Variants in JMJD1C observed in about 807,000 individuals in gnomAD.
JMJD1C encodes the protein jumonji domain containing 1C.
A neutral mutation model predicts 245.3 loss-of-function variants in JMJD1C; 31 were observed. That is an observed-to-expected ratio of 0.13 (90% CI 0.09 to 0.17). The LOEUF (loss-of-function observed/expected upper bound fraction) is 0.17. JMJD1C is among the 10% of genes least tolerant of loss of function. The pLI is 1.00. For synonymous variants in JMJD1C, 1,057 were observed against 1,017.4 expected (o/e 1.04, Z -0.74); for missense variants, 2,691 against 3,000.2 (o/e 0.90, Z 2.41).
intron 1 of JMJD1C, among the ~76,000 whole-genome samples, chr10:63,505,895 C>T (rs567982126): frequency 3.6e-4 from 53 of 146,736 alleles, no homozygotes; most frequent in African/African-American, 1.3e-3. Context: ...GATTCAGAAT[C>T]GAAGCCTGAC....
chr10:63,283,904 A>G (rs1857681139), intron 2 of JMJD1C, among the ~76,000 whole-genome samples: 1 of 152,226 alleles, frequency 6.6e-6, no homozygotes, highest in African/African-American at 2.4e-5. Flanking sequence ...GACAATAAGA[A>G]AAGCAAAATG....
At chr10:63,215,477 TA>T in intron 6 of JMJD1C, 22 bp from the exon 7 acceptor site, 1 of 1,613,274 alleles carries the variant, frequency 6.2e-7, no homozygotes, top group Non-Finnish European at 8.5e-7. Context: ...CAATTAACAG[TA>T]ATTGTTTACT....
At chr10:63,341,600 T>C (rs187905543) in intron 2 of JMJD1C, among the ~76,000 whole-genome samples, 119 of 152,356 alleles carry the variant, frequency 7.8e-4, no homozygotes, top group East Asian at 1.3e-3. Flanking sequence ...TTCACAAACA[T>C]TCTCTACCAG....
chr10:63,415,403 C>T (rs1949743290), intron 1 of JMJD1C, among the ~76,000 whole-genome samples: 1 of 152,118 alleles, frequency 6.6e-6, no homozygotes, highest in Admixed American at 6.5e-5. Context: ...ATGCTTCCTT[C>T]AAAGCTTTTA....
intron 3 of JMJD1C, among the ~76,000 whole-genome samples, chr10:63,224,845 C>T (rs1358393637): frequency 1.3e-5 from 2 of 151,848 alleles, no homozygotes; most frequent in South Asian, 2.1e-4. Context: ...GGGTGGATCA[C>T]GAGGTCAGGA....
chr10:63,267,814 T>G (rs912933668), intron 2 of JMJD1C, among the ~76,000 whole-genome samples: 2 of 152,132 alleles, frequency 1.3e-5, no homozygotes, highest in Non-Finnish European at 2.9e-5. Context: ...AAAATAAATA[T>G]AGTTGAGAGC....
At chr10:63,223,861 C>G (rs932384688) in intron 3 of JMJD1C, among the ~76,000 whole-genome samples, 1 of 152,138 alleles carries the variant, frequency 6.6e-6, no homozygotes, top group East Asian at 1.9e-4. Context: ...TCAAGAGATT[C>G]TCCTGCCTCA....
intron 10 of JMJD1C, among the ~76,000 whole-genome samples, chr10:63,205,791 T>C (rs928675708): frequency 2.0e-5 from 3 of 152,212 alleles, no homozygotes; most frequent in Non-Finnish European, 4.4e-5. Context: ...CTTACGATCT[T>C]ATATGAGACC....
rs373934433 is a variant in JMJD1C at position 63,185,576 on chromosome 10, T to C, written c.6817A>G (p.Met2273Val). Reference sequence around the variant, plus strand: ...AAAGTTTCAAACCTTGCTGGCATCATAGTCTTGAAGTCTTCTCCTGAAGGC... The same window carrying C: ...AAAGTTTCAAACCTTGCTGGCATCACAGTCTTGAAGTCTTCTCCTGAAGGC... The part of the protein sequence containing the change: ...DWPSGEDFKT[M>V]MPARYEDLLK... Residue 2273 changes from methionine to valine, a missense_variant, in exon 20 of 26, where the codon ATG becomes GTG. Transcript: ENST00000399262. 29 of 1,592,822 alleles carry C rather than the reference T, an allele frequency of 1.8e-5. No homozygotes were observed. The highest frequency in any genetic ancestry group is 1.7e-4 in the Middle Eastern group (1 of 6,060).
intron 2 of JMJD1C, among the ~76,000 whole-genome samples, chr10:63,297,854 G>A (rs1286258126): frequency 4.6e-5 from 7 of 152,228 alleles, no homozygotes; most frequent in Admixed American, 4.6e-4. Context: ...CAGGTGACGA[G>A]AAAGAAAGAA....
intron 1 of JMJD1C, among the ~76,000 whole-genome samples, chr10:63,497,401 C>G (rs1954397330): frequency 6.6e-6 from 1 of 152,082 alleles, no homozygotes; most frequent in Non-Finnish European, 1.5e-5. Flanking sequence ...TCACAAAAGA[C>G]CACATATTAT....
At chr10:63,292,440 G>A (rs4747186) in intron 2 of JMJD1C, among the ~76,000 whole-genome samples, 3,284 of 150,074 alleles carry the variant, frequency 0.022, 120 homozygotes, top group African/African-American at 0.075. Flanking sequence ...GCGAAACCCC[G>A]TCTCTAGTAA....
chr10:63,300,263 G>A (rs1181496016), intron 2 of JMJD1C, among the ~76,000 whole-genome samples: 1 of 152,166 alleles, frequency 6.6e-6, no homozygotes, highest in Non-Finnish European at 1.5e-5. Flanking sequence ...GCTGGGTTCA[G>A]AGTGACAAAC....
chr10:63,236,770 GTAAAAT>G (rs1475808261), intron 3 of JMJD1C, among the ~76,000 whole-genome samples: 1 of 152,110 alleles, frequency 6.6e-6, no homozygotes, highest in Non-Finnish European at 1.5e-5. Flanking sequence ...CAAAAAAGAA[GTAAAAT>G]TATATACTTG....
chr10:63,519,921 G>A (rs1955154738), intron 1 of JMJD1C, among the ~76,000 whole-genome samples: 1 of 152,120 alleles, frequency 6.6e-6, no homozygotes, highest in South Asian at 2.1e-4. Flanking sequence ...GAACAAGAGA[G>A]TTCGCCAAAA....
chr10:63,266,530 C>T (rs762907082), intron 2 of JMJD1C, among the ~76,000 whole-genome samples: 3 of 152,212 alleles, frequency 2.0e-5, no homozygotes, highest in East Asian at 1.9e-4. Context: ...CAGGGATATT[C>T]GGCTGATCCC....
intron 2 of JMJD1C, among the ~76,000 whole-genome samples, chr10:63,355,291 A>G (rs888463787): frequency 2.0e-5 from 3 of 152,230 alleles, no homozygotes; most frequent in Non-Finnish European, 4.4e-5. Context: ...GCATAGTTAC[A>G]GTATAATTTC....
intron 3 of JMJD1C, among the ~76,000 whole-genome samples, chr10:63,240,955 TTGTTATTC>T (rs1286261271): frequency 6.6e-6 from 1 of 152,190 alleles, no homozygotes; most frequent in Non-Finnish European, 1.5e-5. Context: ...AACCTTAGTA[TTGTTATTC>T]TAAGTCTAGT....
intron 1 of JMJD1C, among the ~76,000 whole-genome samples, chr10:63,395,616 T>C (rs763550434): frequency 6.6e-6 from 1 of 152,236 alleles, no homozygotes; most frequent in Non-Finnish European, 1.5e-5. Flanking sequence ...TATTCACCCA[T>C]GTGAAATAAC....
Sources: gnomAD v4.1 joint callset for allele counts (sites outside exome capture counted in the v4.1 genomes callset) on GRCh38, gnomAD v4.1.1 for gene constraint, MANE v1.5 for transcripts, NCBI Gene and HGNC (gene_info 2026-07-23, HGNC 2026-07-21) for gene names.